SORCS2: variants seen among roughly 807,000 people sequenced by gnomAD.
The protein encoded by SORCS2 is sortilin related VPS10 domain containing receptor 2.
A neutral mutation model predicts 141.6 loss-of-function variants in SORCS2; 100 were observed. The ratio of observed to expected loss-of-function variants is 0.71; its 90% confidence interval spans 0.60 to 0.83. The LOEUF (loss-of-function observed/expected upper bound fraction) is 0.83, where lower values mean the gene tolerates loss of function less well. Among genes scored for constraint, SORCS2 ranks in the 40% least tolerant of loss-of-function variants. SORCS2 has a pLI of 0.00. For synonymous variants in SORCS2, 789 were observed against 676.9 expected (o/e 1.17, Z -2.57); for missense variants, 1,646 against 1,560.2 (o/e 1.05, Z -0.93).
intron 2 of SORCS2, chr4:7,431,182 T>G (rs1017308216): frequency 6.6e-6 from 1 of 152,386 alleles, no homozygotes; most frequent in African/African-American, 2.4e-5. Flanking sequence ...TGAGCTCCGT[T>G]CATCACGGGC....
At position 7,217,367 on chromosome 4, in the gene SORCS2, T is replaced by G. The variant is rs570629185; in HGVS notation, c.480+24241T>G. ...GATGAGTGGATGGATGAGTGGACAC[T>G]GAGCTGCAGACAAAGGAACATTATT... On this transcript the variant is annotated intron_variant, in intron 1 of 26. Coordinates refer to ENST00000507866, the MANE Select transcript of SORCS2 (RefSeq NM_020777.3). Among the ~76,000 whole-genome samples the G allele has an allele frequency of 1.8e-3, 281 of 152,316 alleles. 2 individuals carry two copies. The highest frequency in any genetic ancestry group is 6.5e-3 in the African/African-American group (272 of 41,564).
chr4:7,738,919 G>T (rs1357778297), intron 26 of SORCS2, among the ~76,000 whole-genome samples: 1 of 152,052 alleles, frequency 6.6e-6, no homozygotes, highest in Non-Finnish European at 1.5e-5. Flanking sequence ...ACCCCCGGTG[G>T]GGGTCCCTTG....
intron 1 of SORCS2, among the ~76,000 whole-genome samples, chr4:7,225,838 C>T (rs1728959559): frequency 6.6e-6 from 1 of 152,170 alleles, no homozygotes; most frequent in Non-Finnish European, 1.5e-5. Flanking sequence ...GGGACTGCTG[C>T]CATGAGGCCT....
chr4:7,480,502 G>C lies in SORCS2; in HGVS notation c.549-51028G>C, dbSNP rs995992657. On this transcript the variant is annotated intron_variant, in intron 2 of 26. Transcript: ENST00000507866. ...ATGCTCTGAAGCTGGGCAGCGTGCT[G>C]GGAGTGCAGGCTGTGTTCAGAACAG... 3.3e-5 allele frequency among the ~76,000 whole-genome samples: 5 copies of C among 152,228 alleles called. 1 individual carries two copies. Among genetic ancestry groups the C allele is most frequent in the Admixed American group, 2.6e-4 (4 of 15,288 alleles).
chr4:7,561,585 CATTCATCCATCT>C (rs1294516306), intron 3 of SORCS2, among the ~76,000 whole-genome samples: 4 of 66,054 alleles, frequency 6.1e-5, no homozygotes, highest in Non-Finnish European at 1.0e-4. Context: ...TCCATCTATC[CATTCATCCATCT>C]ATCCATCTAT....
In SORCS2 at chr4:7,686,337, C is replaced by T. The variant is rs540848886; in HGVS notation, c.1489-3149C>T. Among the ~76,000 whole-genome samples the T allele has an allele frequency of 5.0e-4, 76 of 152,372 alleles. 1 individual carries two copies. In the South Asian group the frequency reaches 7.9e-3, roughly 16 times the overall value. The stretch of plus-strand genomic sequence containing the variant: ...GCGTGAGGCTGCAGTGAGTGCCAGG[C>T]GTCCAGGTGGCTGGTGCTGCATCTC... On this transcript the variant is annotated intron_variant, in intron 10 of 26. Coordinates refer to ENST00000507866, the MANE Select transcript of SORCS2 (RefSeq NM_020777.3).
At chr4:7,231,053 T>C (rs1015264906) in intron 1 of SORCS2, among the ~76,000 whole-genome samples, 10 of 152,246 alleles carry the variant, frequency 6.6e-5, no homozygotes, top group Non-Finnish European at 1.5e-4. Flanking sequence ...TCTAGAGATT[T>C]TAATGTATAT....
chr4:7,627,340 C>A (rs1719578256), intron 3 of SORCS2, among the ~76,000 whole-genome samples: 1 of 152,162 alleles, frequency 6.6e-6, no homozygotes, highest in African/African-American at 2.4e-5. Context: ...GGGAGGCGTC[C>A]TGCTGAGAAT....
intron 3 of SORCS2, among the ~76,000 whole-genome samples, chr4:7,583,133 C>T (rs1716271672): frequency 6.6e-6 from 1 of 152,206 alleles, no homozygotes; most frequent in African/African-American, 2.4e-5. Flanking sequence ...GCAGCCACCT[C>T]TGTGGGAGGA....
chr4:7,630,310 C>T (rs567154247), intron 3 of SORCS2, among the ~76,000 whole-genome samples: 5 of 152,320 alleles, frequency 3.3e-5, no homozygotes, highest in East Asian at 1.9e-4. Context: ...CCAGCAGGAA[C>T]GAACCTGCAG....
At chr4:7,578,403 A>C (rs1189700544) in intron 3 of SORCS2, among the ~76,000 whole-genome samples, 2 of 152,174 alleles carry the variant, frequency 1.3e-5, no homozygotes, top group Non-Finnish European at 2.9e-5. Context: ...CAGGTGGGCA[A>C]ATGAAGGGAC....
intron 25 of SORCS2, 38 bp from the exon 26 acceptor site, chr4:7,737,031 C>A: frequency 1.3e-6 from 2 of 1,548,362 alleles, no homozygotes; most frequent in Non-Finnish European, 1.7e-6. Context: ...GCCTGGGAAG[C>A]CCCTCCAAGC....
intron 3 of SORCS2, among the ~76,000 whole-genome samples, chr4:7,565,079 A>G (rs1714869961): frequency 6.6e-6 from 1 of 152,180 alleles, no homozygotes; most frequent in East Asian, 1.9e-4. Context: ...AGGTGCTCAG[A>G]GGGAGGGGGA....
intron 2 of SORCS2, among the ~76,000 whole-genome samples, chr4:7,465,175 C>T (rs7666513): frequency 0.014 from 2,093 of 152,296 alleles, 46 homozygotes; most frequent in African/African-American, 0.048. Context: ...GGGATGGGCG[C>T]GGACCAGGCA....
At chr4:7,712,889 G>C (rs1311202159) in intron 15 of SORCS2, 36 bp downstream of exon 15, 1 of 1,609,650 alleles carries the variant, frequency 6.2e-7, no homozygotes, top group Non-Finnish European at 8.5e-7. Flanking sequence ...GGCAGGTGGG[G>C]TACAGACTGC....
At chr4:7,624,399 G>A (rs990622583) in intron 3 of SORCS2, among the ~76,000 whole-genome samples, 2 of 152,220 alleles carry the variant, frequency 1.3e-5, no homozygotes, top group Non-Finnish European at 2.9e-5. Flanking sequence ...TCATGGGAAC[G>A]ATAAGGGAAT....
chr4:7,307,961 GTC>G (rs1717944638), intron 1 of SORCS2, among the ~76,000 whole-genome samples: 2 of 152,244 alleles, frequency 1.3e-5, no homozygotes, highest in Admixed American at 6.5e-5. Context: ...CACAGTGTGT[GTC>G]TGAGTGTGTG....
chr4:7,487,458 T>C (rs1362948558), intron 2 of SORCS2, among the ~76,000 whole-genome samples: 1 of 152,216 alleles, frequency 6.6e-6, no homozygotes, highest in African/African-American at 2.4e-5. Flanking sequence ...GAATTGTCTC[T>C]AGCATGGACA....
In SORCS2 at chr4:7,523,289, A is replaced by G. The variant is rs561899460; in HGVS notation, c.549-8241A>G. Among the ~76,000 whole-genome samples, 6 of 152,280 alleles carry G rather than the reference A, an allele frequency of 3.9e-5. No homozygotes were observed. The South Asian group carries it at 1.2e-3, about 32-fold the overall frequency. On this transcript the variant is annotated intron_variant, in intron 2 of 26. Transcript: ENST00000507866. ...GTGTCAGTGCTAGTGCTTAGACTCA[A>G]ATACTCAAATCCAGTTCCCACATGT...
Sources: gnomAD v4.1 joint callset for allele counts (sites outside exome capture counted in the v4.1 genomes callset) on GRCh38, gnomAD v4.1.1 for gene constraint, MANE v1.5 for transcripts, NCBI Gene and HGNC (gene_info 2026-07-23, HGNC 2026-07-21) for gene names.